The following SCUBE1 variants were observed in gnomAD, a reference collection of about 807,000 sequenced individuals.
The protein encoded by SCUBE1 is signal peptide, CUB domain and EGF like domain containing 1.
SCUBE1 carries 59 observed loss-of-function variants against 124.4 expected under a neutral mutation model. The ratio of observed to expected loss-of-function variants is 0.47; its 90% CI spans 0.38 to 0.59. The LOEUF (loss-of-function observed/expected upper bound fraction) is 0.59, where lower values mean the gene tolerates loss of function less well. SCUBE1 is among the 20% of genes least tolerant of loss of function. SCUBE1 has a pLI of 0.00. For synonymous variants in SCUBE1, 545 were observed against 550.9 expected (o/e 0.99, Z 0.15); for missense variants, 1,150 against 1,371.2 (o/e 0.84, Z 2.55).
chr22:43,287,648 T>A (rs1260418790), intron 4 of SCUBE1, among the ~76,000 whole-genome samples: 1 of 152,228 alleles, frequency 6.6e-6, no homozygotes, highest in Non-Finnish European at 1.5e-5. Flanking sequence ...TTTCTCCCTG[T>A]TCAGGGGTAG....
intron 6 of SCUBE1, among the ~76,000 whole-genome samples, chr22:43,254,189 A>G (rs923698962): frequency 6.6e-6 from 1 of 152,168 alleles, no homozygotes; most frequent in Non-Finnish European, 1.5e-5. Context: ...TGCCTGTGTG[A>G]CCAGAGGTGA....
rs41307223 is a variant in SCUBE1 at position 43,339,179 on chromosome 22, T to C, written c.145A>G (p.Ile49Val). The change falls in exon 2 of 22, where the codon ATC becomes GTC. Residue 49 changes from isoleucine to valine, a missense_variant. Physicochemically the swap from Ile to Val is conservative, Grantham distance 29. Coordinates refer to ENST00000360835, the MANE Select transcript of SCUBE1 (RefSeq NM_173050.5). ...EGTDDCHIDA[I>V]CQNTPKSYKC... ...TAGGACTTGGGCGTGTTCTGACAGA[T>C]GGCATCGATGTGGCAGTCATCTGTG... 8,975 of 1,613,860 alleles carry C rather than the reference T, an allele frequency of 5.6e-3. 36 individuals are homozygous for C. The highest frequency in any genetic ancestry group is 6.6e-3 in the Non-Finnish European group (7,814 of 1,179,792).
At chr22:43,272,193 G>C (rs1190028695) in intron 4 of SCUBE1, among the ~76,000 whole-genome samples, 1 of 152,132 alleles carries the variant, frequency 6.6e-6, no homozygotes, top group African/African-American at 2.4e-5. Flanking sequence ...GTAGGGGAAA[G>C]AGTTTATCCC....
intron 3 of SCUBE1, among the ~76,000 whole-genome samples, chr22:43,311,023 C>T (rs759040394): frequency 5.3e-5 from 8 of 152,202 alleles, no homozygotes; most frequent in Non-Finnish European, 1.2e-4. Flanking sequence ...AAGTGATCCT[C>T]CTACCTTGGC....
intron 4 of SCUBE1, among the ~76,000 whole-genome samples, chr22:43,277,169 A>G (rs1306287802): frequency 6.6e-6 from 1 of 152,164 alleles, no homozygotes; most frequent in East Asian, 1.9e-4. Context: ...AGCGATGGTC[A>G]GTCAGGATGA....
At chr22:43,323,440 C>T (rs1926622337) in intron 2 of SCUBE1, among the ~76,000 whole-genome samples, 1 of 152,090 alleles carries the variant, frequency 6.6e-6, no homozygotes, top group South Asian at 2.1e-4. Context: ...TGCTGACCAC[C>T]CTTCCATTTC....
chr22:43,253,185 G>A (rs1028153217), intron 6 of SCUBE1, among the ~76,000 whole-genome samples: 6 of 152,332 alleles, frequency 3.9e-5, no homozygotes, highest in Admixed American at 2.0e-4. Flanking sequence ...ACAACGTGGG[G>A]GGCACCACAC....
At chr22:43,219,322 T>C (rs1921978992) in intron 14 of SCUBE1, among the ~76,000 whole-genome samples, 5 of 152,178 alleles carry the variant, frequency 3.3e-5, no homozygotes, top group Admixed American at 3.3e-4. Context: ...GCTCTTCACC[T>C]TCCTCCGTGA....
At chr22:43,286,024 C>G (rs1235532347) in intron 4 of SCUBE1, among the ~76,000 whole-genome samples, 1 of 152,210 alleles carries the variant, frequency 6.6e-6, no homozygotes, top group Non-Finnish European at 1.5e-5. Context: ...GCACCTGGCA[C>G]GTGTCAGCAG....
chr22:43,211,687 T>C lies in SCUBE1; in HGVS notation c.2222-604A>G, dbSNP rs34720035. ...GCACATCACCACACCCGGCTAATTA[T>C]TTTTGTATTTTTTTTAAGTAGAGAC... On this transcript the variant is annotated intron_variant, in intron 17 of 21. Coordinates refer to ENST00000360835, the MANE Select transcript of SCUBE1 (RefSeq NM_173050.5). The surrounding 1 kb of genome is among the most constrained non-coding windows in gnomAD (Gnocchi z 4.5). Among the ~76,000 whole-genome samples the C allele has an allele frequency of 0.076, 11,492 of 151,930 alleles. 796 individuals are homozygous for C. The highest frequency in any genetic ancestry group is 0.18 in the African/African-American group (7,273 of 41,386).
chr22:43,261,148 C>T (rs1408805907), intron 5 of SCUBE1, among the ~76,000 whole-genome samples: 3 of 152,242 alleles, frequency 2.0e-5, no homozygotes, highest in Non-Finnish European at 2.9e-5. Context: ...TCAGATCACA[C>T]AACACGGGGG....
intron 6 of SCUBE1, 100 bp from the exon 7 acceptor site, chr22:43,239,054 C>T (rs1250576317): frequency 2.7e-5 from 24 of 904,854 alleles, no homozygotes; most frequent in South Asian, 7.6e-5. Flanking sequence ...AGACGAGACC[C>T]GGGTTCAAGC....
chr22:43,207,469 G>A (rs981547255), intron 21 of SCUBE1, 65 bp downstream of exon 21: 22 of 1,268,114 alleles, frequency 1.7e-5, no homozygotes, highest in African/African-American at 8.8e-5. Context: ...GGGCAGGGGC[G>A]GTCCTGGCTC....
intron 2 of SCUBE1, among the ~76,000 whole-genome samples, chr22:43,332,267 A>G (rs1406135059): frequency 6.6e-6 from 1 of 152,172 alleles, no homozygotes; most frequent in Admixed American, 6.5e-5. Context: ...CAGCCTGGTG[A>G]CAAAGCAAGA....
chr22:43,283,616 G>A (rs946827940), intron 4 of SCUBE1: 1 of 152,126 alleles, frequency 6.6e-6, no homozygotes. Context: ...TATTGACTGC[G>A]GTGGTTGTGA....
chr22:43,325,234 A>G (rs1926683681), intron 2 of SCUBE1, among the ~76,000 whole-genome samples: 1 of 151,954 alleles, frequency 6.6e-6, no homozygotes, highest in African/African-American at 2.4e-5. Flanking sequence ...CTATTCCCGC[A>G]TTTGGAGCCA....
At chr22:43,304,521 CG>C (rs1925893389) in intron 3 of SCUBE1, among the ~76,000 whole-genome samples, 1 of 40,652 alleles carries the variant, frequency 2.5e-5, no homozygotes, top group Non-Finnish European at 5.1e-5. Flanking sequence ...AGGCAGAGAG[CG>C]TCTCTCTAAG....
At chr22:43,314,703 G>T (rs1439813522) in intron 3 of SCUBE1, among the ~76,000 whole-genome samples, 2 of 152,150 alleles carry the variant, frequency 1.3e-5, no homozygotes, top group African/African-American at 4.8e-5. Context: ...TTGCATTAGG[G>T]TGTGCTGAGG....
At chr22:43,268,549 C>A (rs1924165640) in intron 4 of SCUBE1, among the ~76,000 whole-genome samples, 1 of 152,196 alleles carries the variant, frequency 6.6e-6, no homozygotes, top group African/African-American at 2.4e-5. Context: ...GGCCAGGGAG[C>A]AAGGAGAGGA....
Sources: allele counts gnomAD v4.1 joint callset (sites outside exome capture counted in the v4.1 genomes callset), GRCh38; gene constraint gnomAD v4.1.1; non-coding constraint Gnocchi (gnomAD v3.1); transcripts MANE v1.5; gene names NCBI Gene and HGNC (gene_info 2026-07-23, HGNC 2026-07-21).